Variants in FUT8 observed in about 807,000 individuals in gnomAD.
FUT8 encodes the protein alpha-(1,6)-fucosyltransferase.
FUT8 carries 29 observed loss-of-function variants against 71.3 expected under a neutral mutation model. That is an observed-to-expected ratio of 0.41 (90% CI 0.30 to 0.55). FUT8 has a LOEUF of 0.55. Among genes scored for constraint, FUT8 ranks in the 20% least tolerant of loss-of-function variants. FUT8 has a pLI of 0.34. For synonymous variants in FUT8, 254 were observed against 239.3 expected, an observed-to-expected ratio of 1.06 and a Z score of -0.57; for missense variants, 544 against 702.1, an observed-to-expected ratio of 0.77 and a Z score of 2.55.
Position 65,731,983 on chromosome 14 carries a change from C to G in FUT8, c.1260-1248C>G, listed in dbSNP as rs138409792. On this transcript the variant is annotated intron_variant, in intron 9 of 10. Coordinates refer to ENST00000673929, the MANE Select transcript of FUT8 (RefSeq NM_001371533.1). ...TTATCAGTTCCCCCCTTTCTTTCTC[C>G]CTCTAGCATTTCGTATTTCTTTGTT... 3.9e-5 allele frequency among the ~76,000 whole-genome samples: 6 copies of G among 152,322 alleles called. No homozygotes were observed. In the East Asian group the frequency reaches 1.2e-3, roughly 29 times the overall value.
At chr14:65,370,384 T>A in the FUT8 span, among the ~76,000 whole-genome samples, 1 of 151,426 alleles carries the variant, frequency 6.6e-6, no homozygotes, top group Non-Finnish European at 1.5e-5. Flanking sequence ...ATTTTTTGTA[T>A]TTTTTAGTAG....
intron 5 of FUT8, chr14:65,617,327 TATGATAGCATGGATTTCAA>T: frequency 1.0e-6 from 1 of 980,120 alleles, no homozygotes; most frequent in South Asian, 2.3e-5. Flanking sequence ...TCTACAGAAA[TATGATAGCATGGATTTCAA>T]GGGGCAGTGA....
chr14:65,518,752 T>C (rs1882879166), intron 2 of FUT8, among the ~76,000 whole-genome samples: 1 of 152,142 alleles, frequency 6.6e-6, no homozygotes, highest in South Asian at 2.1e-4. Context: ...ACTCCTCCTC[T>C]CAAGTGATTC....
intron 5 of FUT8, among the ~76,000 whole-genome samples, chr14:65,618,909 T>C (rs1889452586): frequency 6.6e-6 from 1 of 152,148 alleles, no homozygotes; most frequent in African/African-American, 2.4e-5. Context: ...CTACCTGGGT[T>C]AGAAGATTAT....
chr14:65,436,864 G>A (rs2065569982), intron 1 of FUT8, among the ~76,000 whole-genome samples: 1 of 152,030 alleles, frequency 6.6e-6, no homozygotes, highest in Admixed American at 6.6e-5. Flanking sequence ...GAAAATTTGA[G>A]TACTACCAAA....
Position 65,412,761 on chromosome 14 carries a change from C to T in FUT8, c.-779C>T, listed in dbSNP as rs1246880497. Reference sequence around the variant, plus strand: ...GCGCGCACGCCGGCGCTGGCCGAGGCTTCCCCGCCTGCGCTCGTTGTCAGA... The same window carrying T: ...GCGCGCACGCCGGCGCTGGCCGAGGTTTCCCCGCCTGCGCTCGTTGTCAGA... On this transcript the variant is annotated 5_prime_UTR_variant, in exon 1 of 11. Coordinates refer to ENST00000673929, the MANE Select transcript of FUT8 (RefSeq NM_001371533.1). 1.8e-5 allele frequency: 3 copies of T among 170,382 alleles called. No individual in the cohort carries two copies. The highest frequency in any genetic ancestry group is 1.2e-4 in the South Asian group (1 of 8,058). The allele number at this position is 170,382 out of a possible 1,614,324, so 10.6% of individuals were successfully genotyped here.
At chr14:65,677,766 T>C (rs777945019) in intron 7 of FUT8, among the ~76,000 whole-genome samples, 1 of 152,182 alleles carries the variant, frequency 6.6e-6, no homozygotes, top group Non-Finnish European at 1.5e-5. Flanking sequence ...ATGGGAAATA[T>C]AAAGATGACT....
At chr14:65,728,379 C>T (rs941585144) in intron 9 of FUT8, among the ~76,000 whole-genome samples, 6 of 152,196 alleles carry the variant, frequency 3.9e-5, no homozygotes, top group African/African-American at 9.7e-5. Context: ...AGGCGAAAGG[C>T]GTGACTTATG....
chr14:65,421,196 A>G (rs1020433366), intron 1 of FUT8, among the ~76,000 whole-genome samples: 2,328 of 12,200 alleles, frequency 0.19, 29 homozygotes, highest in Non-Finnish European at 0.33. Context: ...CATCTCAGGA[A>G]AAAAAAAAAA....
At chr14:65,543,656 A>G (rs1215928199) in intron 2 of FUT8, among the ~76,000 whole-genome samples, 1 of 152,148 alleles carries the variant, frequency 6.6e-6, no homozygotes, top group Non-Finnish European at 1.5e-5. Flanking sequence ...CCTCAGGGAT[A>G]AATTCTGATT....
At chr14:65,562,356 T>C (rs990387717) in intron 3 of FUT8, among the ~76,000 whole-genome samples, 3 of 152,100 alleles carry the variant, frequency 2.0e-5, no homozygotes, top group African/African-American at 4.8e-5. Flanking sequence ...CTAGAACTTA[T>C]TAAAATGCAG....
chr14:65,589,711 T>A (rs1252993106), intron 3 of FUT8, among the ~76,000 whole-genome samples: 1 of 152,202 alleles, frequency 6.6e-6, no homozygotes, highest in African/African-American at 2.4e-5. Context: ...CCCAAAGTGC[T>A]GGGATTACAG....
At chr14:65,722,682 A>T (rs892704238) in intron 8 of FUT8, among the ~76,000 whole-genome samples, 1 of 152,188 alleles carries the variant, frequency 6.6e-6, no homozygotes, top group Non-Finnish European at 1.5e-5. Context: ...AACAATTCCA[A>T]TTTCCCCAGA....
chr14:65,420,058 T>C (rs2065270686), intron 1 of FUT8, among the ~76,000 whole-genome samples: 1 of 152,102 alleles, frequency 6.6e-6, no homozygotes, highest in Non-Finnish European at 1.5e-5. Flanking sequence ...CTGAGTAAGC[T>C]GAAAAGATGT....
chr14:65,371,385 G>A, the FUT8 span, among the ~76,000 whole-genome samples: 1 of 152,302 alleles, frequency 6.6e-6, no homozygotes, highest in East Asian at 1.9e-4. Flanking sequence ...TAACGTTGAT[G>A]TATTACTATC....
rs11378151 is a variant in FUT8 at position 65,446,678 on chromosome 14, C to CTTTTT, written c.-325-8932_-325-8928dup. Among the ~76,000 whole-genome samples, 305 of 134,246 alleles carry CTTTTT rather than the reference C, an allele frequency of 2.3e-3. 7 individuals carry two copies. The highest frequency in any genetic ancestry group is 6.3e-3 in the African/African-American group (227 of 36,166). The allele number at this position is 134,246 out of a possible 152,430, so 88.1% of individuals were successfully genotyped here. ...CTAAACCTGTGAAGATGTTTTAGGG[C>CTTTTT]TTTTTTTTTTTTTTTAACATGTTTA... On this transcript the variant is annotated intron_variant, in intron 1 of 10. Coordinates refer to ENST00000673929, the MANE Select transcript of FUT8 (RefSeq NM_001371533.1).
At chr14:65,686,009 G>GT (rs1332618798) in intron 7 of FUT8, among the ~76,000 whole-genome samples, 1 of 152,174 alleles carries the variant, frequency 6.6e-6, no homozygotes, top group South Asian at 2.1e-4. Context: ...ATGCAGCCCA[G>GT]TAGGTCTTAG....
In FUT8 at chr14:65,556,085, T is replaced by C. The variant is rs186382923; in HGVS notation, c.-227-5252T>C. Among the ~76,000 whole-genome samples, 530 of 152,306 alleles carry C rather than the reference T, an allele frequency of 3.5e-3. 2 individuals carry two copies. The highest frequency in any genetic ancestry group is 0.012 in the African/African-American group (503 of 41,578). On this transcript the variant is annotated intron_variant, in intron 2 of 10. Transcript: ENST00000673929. ...CAGAAAATAACACATGAAGTGAAGA[T>C]CAGGCTTTTAACCTACTAGAGGAGG... is the stretch of plus-strand genomic sequence containing the variant.
At chr14:65,455,807 T>TTA (rs1243222239) in intron 2 of FUT8, 89 bp downstream of exon 2, 4 of 394,888 alleles carry the variant, frequency 1.0e-5, no homozygotes, top group African/African-American at 6.2e-5. Flanking sequence ...AAGCTACATG[T>TTA]TATGTACCAG....
Sources: gnomAD v4.1 joint callset for allele counts (sites outside exome capture counted in the v4.1 genomes callset) on GRCh38, gnomAD v4.1.1 for gene constraint, MANE v1.5 for transcripts, NCBI Gene and HGNC (gene_info 2026-07-23, HGNC 2026-07-21) for gene names.